The following LY6S variants were observed in gnomAD, a reference collection of about 807,000 sequenced individuals.
LY6S encodes the protein lymphocyte antigen 6S.
chr8:143,057,330 A>G, the LY6S span: 3 of 366,700 alleles, frequency 8.2e-6, no homozygotes, highest in Admixed American at 7.5e-5. Context: ...GCTCACTGCA[A>G]TCTCCACCTC....
At chr8:143,072,179 G>A in the LY6S span, among the ~76,000 whole-genome samples, 1 of 150,306 alleles carries the variant, frequency 6.7e-6, no homozygotes, top group Admixed American at 6.6e-5. Flanking sequence ...GGCTTCCGAA[G>A]TTCCTGTTTG....
chr8:143,061,165 T>A, the LY6S span, among the ~76,000 whole-genome samples: 1 of 151,810 alleles, frequency 6.6e-6, no homozygotes. Flanking sequence ...GTGGCTCACG[T>A]CTGTAATCCC....
chr8:143,047,980 C>T, the LY6S span: 2 of 152,272 alleles, frequency 1.3e-5, no homozygotes, highest in Admixed American at 1.3e-4. Context: ...TTGCTCTGTG[C>T]TGCATCTCCT....
the LY6S span, among the ~76,000 whole-genome samples, chr8:143,051,459 T>G: frequency 6.6e-6 from 1 of 151,756 alleles, no homozygotes; most frequent in Non-Finnish European, 1.5e-5. Flanking sequence ...GAGAGTCACT[T>G]GAACTGGGGA....
At chr8:143,066,148 A>ATTTTTCTTTTCT in the LY6S span, 1 of 250,670 alleles carries the variant, frequency 4.0e-6, no homozygotes, top group Non-Finnish European at 7.4e-6. Context: ...CCAATGATGA[A>ATTTTTCTTTTCT]TTTCTTTTCT....
chr8:143,058,215 CAA>C, the LY6S span, among the ~76,000 whole-genome samples: 267 of 152,210 alleles, frequency 1.8e-3, 3 homozygotes, highest in African/African-American at 5.9e-3. Context: ...AGACACAAGA[CAA>C]AGAGATAAAA....
chr8:143,072,638 C>T, the LY6S span, among the ~76,000 whole-genome samples: 1 of 142,758 alleles, frequency 7.0e-6, no homozygotes. Context: ...TTTGAGGAGA[C>T]AGCCGTCGTC....
chr8:143,073,422 G>A, the LY6S span, among the ~76,000 whole-genome samples: 2 of 143,052 alleles, frequency 1.4e-5, 1 homozygote, highest in African/African-American at 5.2e-5. Context: ...TGAGGAGACA[G>A]CCGTCGTCCT....
chr8:143,073,332 G>C, the LY6S span, among the ~76,000 whole-genome samples: 1 of 127,224 alleles, frequency 7.9e-6, no homozygotes, highest in African/African-American at 3.4e-5. Context: ...CGTCATCCTC[G>C]GGGTTCCTGT....
At chr8:143,058,431 CAG>C in the LY6S span, among the ~76,000 whole-genome samples, 535 of 151,412 alleles carry the variant, frequency 3.5e-3, 3 homozygotes, top group Non-Finnish European at 4.3e-3. Flanking sequence ...GCAGCTGAGG[CAG>C]AGAGAGAGAG....
chr8:143,065,561 T>C, the LY6S span, among the ~76,000 whole-genome samples: 1 of 145,030 alleles, frequency 6.9e-6, no homozygotes, highest in Admixed American at 6.9e-5. Flanking sequence ...CAATAGAATA[T>C]TTTTTTTTTT....
the LY6S span, among the ~76,000 whole-genome samples, chr8:143,064,974 T>C: frequency 6.6e-6 from 1 of 152,160 alleles, no homozygotes; most frequent in Non-Finnish European, 1.5e-5. Flanking sequence ...CAAATAGTGG[T>C]AAATAATTCA....
At chr8:143,070,485 A>ATTTTTTTTT in the LY6S span, among the ~76,000 whole-genome samples, 1 of 84,828 alleles carries the variant, frequency 1.2e-5, no homozygotes, top group African/African-American at 7.5e-5. Context: ...AAATATATAT[A>ATTTTTTTTT]TATATTTTTT....
chr8:143,075,135 CT>C, the LY6S span, among the ~76,000 whole-genome samples: 2 of 152,080 alleles, frequency 1.3e-5, no homozygotes, highest in East Asian at 1.9e-4. This position sits in a 1 kb window ranked among gnomAD's most constrained non-coding sequence, Gnocchi z 4.1. Flanking sequence ...ATCTGTGGAT[CT>C]TTTTTCCTTA....
At chr8:143,048,629 G>C in the LY6S span, among the ~76,000 whole-genome samples, 1 of 151,798 alleles carries the variant, frequency 6.6e-6, no homozygotes, top group African/African-American at 2.4e-5. Flanking sequence ...CACCACGCCC[G>C]GCTAATTTTT....
chr8:143,049,375 CAG>C, the LY6S span: 1 of 477,220 alleles, frequency 2.1e-6, no homozygotes, highest in South Asian at 1.6e-5. Context: ...GAAAAGTGGT[CAG>C]AGAGTGGAAC....
At chr8:143,072,612 G>A in the LY6S span, among the ~76,000 whole-genome samples, 1 of 101,040 alleles carries the variant, frequency 9.9e-6, no homozygotes, top group Non-Finnish European at 1.9e-5. Flanking sequence ...GACAGCCGTC[G>A]TCCTCGGGGT....
the LY6S span, among the ~76,000 whole-genome samples, chr8:143,063,587 A>C: frequency 6.6e-6 from 1 of 152,308 alleles, no homozygotes; most frequent in South Asian, 2.1e-4. Flanking sequence ...CCCATCCACA[A>C]ACAATGTCCA....
chr8:143,072,235 G>A, the LY6S span, among the ~76,000 whole-genome samples: 4,758 of 112,846 alleles, frequency 0.042, 93 homozygotes, highest in African/African-American at 0.1. Flanking sequence ...GGAGACAGCC[G>A]TCGTCCTCGG....
Sources: allele counts gnomAD v4.1 joint callset (sites outside exome capture counted in the v4.1 genomes callset), GRCh38; gene constraint gnomAD v4.1.1; non-coding constraint Gnocchi (gnomAD v3.1); transcripts MANE v1.5; gene names NCBI Gene and HGNC (gene_info 2026-07-23, HGNC 2026-07-21).